The following BTBD9 variants were observed in gnomAD, a reference collection of about 807,000 sequenced individuals.
BTBD9 encodes the protein BTB domain containing 9.
BTBD9 carries 49 observed loss-of-function variants against 64.3 expected under a neutral mutation model. That is an observed-to-expected ratio of 0.76 (90% CI 0.61 to 0.97). The LOEUF (loss-of-function observed/expected upper bound fraction) is 0.97, where lower values mean the gene tolerates loss of function less well. BTBD9 is among the 50% of genes least tolerant of loss of function. The probability of loss-of-function intolerance (pLI) is 0.00; values close to 1 mark genes in which losing one functional copy is unlikely to be tolerated. For missense variants in BTBD9, 598 were observed against 762.1 expected (o/e 0.78, Z 2.53); for synonymous variants, 260 against 274.7 (o/e 0.95, Z 0.53).
intron 6 of BTBD9, among the ~76,000 whole-genome samples, chr6:38,505,982 A>AAAAAAAAAG (rs1772487654): frequency 6.9e-6 from 1 of 145,200 alleles, no homozygotes; most frequent in Non-Finnish European, 1.5e-5. Flanking sequence ...AAAAAAAAAA[A>AAAAAAAAAG]AAGGAACTCT....
rs545526288 is a variant in BTBD9 at position 38,195,114 on chromosome 6, G to T, written c.1563-2517C>A. Among the ~76,000 whole-genome samples the T allele has an allele frequency of 2.0e-5, 3 of 152,326 alleles. No individual in the cohort carries two copies. In the South Asian group the frequency reaches 6.2e-4, roughly 32 times the overall value. On this transcript the variant is annotated intron_variant, in intron 9 of 10. Coordinates refer to ENST00000481247, the MANE Select transcript of BTBD9 (RefSeq NM_001099272.2). ...AATGAGCATCTGTCTCCCCCCATCA[G>T]ATTCCATTTCCCCTGAACTTTTTCA...
chr6:38,365,775 A>AC (rs1324493580), intron 6 of BTBD9, among the ~76,000 whole-genome samples: 2 of 151,168 alleles, frequency 1.3e-5, no homozygotes, highest in Non-Finnish European at 2.9e-5. Flanking sequence ...AAAAAAAAAA[A>AC]CATACTGAAG....
intron 6 of BTBD9, among the ~76,000 whole-genome samples, chr6:38,357,252 A>T (rs1764761643): frequency 6.6e-6 from 1 of 152,158 alleles, no homozygotes; most frequent in Non-Finnish European, 1.5e-5. Flanking sequence ...TTTCAGAGGT[A>T]CCTGGTGCCT....
At chr6:38,189,576 G>T (rs997404683) in intron 10 of BTBD9, among the ~76,000 whole-genome samples, 1 of 152,030 alleles carries the variant, frequency 6.6e-6, no homozygotes, top group Non-Finnish European at 1.5e-5. Context: ...CTGCAGCCTC[G>T]AACTCCTAGG....
chr6:38,543,956 C>CAA (rs1191747441), intron 6 of BTBD9, among the ~76,000 whole-genome samples: 8 of 71,408 alleles, frequency 1.1e-4, no homozygotes, highest in South Asian at 4.5e-4. Flanking sequence ...GACTCCGTCT[C>CAA]AAAAAAAAAA....
At chr6:38,247,191 C>T (rs1165798155) in intron 9 of BTBD9, among the ~76,000 whole-genome samples, 1 of 151,968 alleles carries the variant, frequency 6.6e-6, no homozygotes, top group African/African-American at 2.4e-5. Flanking sequence ...TAAATTGTCT[C>T]TAGATTTAAA....
At chr6:38,316,242 CTTGT>C (rs1462411194) in intron 7 of BTBD9, among the ~76,000 whole-genome samples, 1 of 152,054 alleles carries the variant, frequency 6.6e-6, no homozygotes, top group African/African-American at 2.4e-5. Flanking sequence ...ATTGTTGGGT[CTTGT>C]TTGTTTATCC....
At chr6:38,374,306 T>TATATATATATATATATATAC (rs1491240635) in intron 6 of BTBD9, among the ~76,000 whole-genome samples, 5 of 84,634 alleles carry the variant, frequency 5.9e-5, no homozygotes, top group Non-Finnish European at 1.1e-4. Context: ...TGTATATATA[T>TATATATATATATATATATAC]GTATATATAT....
chr6:38,633,513 T>C (rs1342555905), intron 1 of BTBD9, among the ~76,000 whole-genome samples: 3 of 152,238 alleles, frequency 2.0e-5, no homozygotes, highest in African/African-American at 7.2e-5. Context: ...ATTATGCATA[T>C]ACTTCCCAAA....
At position 38,510,252 on chromosome 6, in the gene BTBD9, C is replaced by T. The variant is rs1582551499; in HGVS notation, c.1154+67348G>A. On this transcript the variant is annotated intron_variant, in intron 6 of 10. Coordinates refer to ENST00000481247, the MANE Select transcript of BTBD9 (RefSeq NM_001099272.2). ...CAAGGCTAGATGGTATAGCCTATTG[C>T]TCCTAGGCTACAAACCAGCACAGCA... 2.0e-5 allele frequency among the ~76,000 whole-genome samples: 3 copies of T among 152,338 alleles called. No individual in the cohort carries two copies. In the East Asian group the frequency reaches 5.8e-4, roughly 29 times the overall value.
At chr6:38,549,133 TA>T (rs901901540) in intron 6 of BTBD9, among the ~76,000 whole-genome samples, 1 of 152,218 alleles carries the variant, frequency 6.6e-6, no homozygotes, top group Non-Finnish European at 1.5e-5. Context: ...CTCAGTTTCA[TA>T]AAAATGCCTT....
chr6:38,335,388 A>T (rs1223997935), intron 7 of BTBD9, among the ~76,000 whole-genome samples: 1 of 149,906 alleles, frequency 6.7e-6, no homozygotes, highest in Non-Finnish European at 1.5e-5. Context: ...GAGTAGCTGG[A>T]GCTACAGGCG....
chr6:38,639,425 CACCCCGGGG>C (rs1778646665), intron 1 of BTBD9, among the ~76,000 whole-genome samples: 1 of 152,160 alleles, frequency 6.6e-6, no homozygotes, highest in Non-Finnish European at 1.5e-5. Context: ...TCCAAACCCC[CACCCCGGGG>C]TCCCGGGTTT....
At chr6:38,546,438 AT>A (rs973747289) in intron 6 of BTBD9, among the ~76,000 whole-genome samples, 1 of 152,260 alleles carries the variant, frequency 6.6e-6, no homozygotes, top group African/African-American at 2.4e-5. Context: ...ATACATGGTG[AT>A]TTTTTTAATG....
chr6:38,187,554 G>A (rs750870061), intron 10 of BTBD9, among the ~76,000 whole-genome samples: 12 of 152,174 alleles, frequency 7.9e-5, no homozygotes, highest in Non-Finnish European at 1.8e-4. Flanking sequence ...AAAGCCACAC[G>A]TGAGCACTGG....
chr6:38,170,704 T>TATA lies in BTBD9; in HGVS notation c.*4278_*4280dup, dbSNP rs531229336. On this transcript the variant is annotated 3_prime_UTR_variant, in exon 11 of 11. Transcript: ENST00000481247. Reference sequence around the variant, plus strand: ...ACTAGGACAACTTCTAATTTAATATTATAATAATAAAAGCCACGGTGGCAC... The same window carrying TATA: ...ACTAGGACAACTTCTAATTTAATATTATAATAATAATAAAAGCCACGGTGGCAC... 2 of 152,180 alleles carry TATA rather than the reference T, an allele frequency of 1.3e-5. No homozygotes were observed. The highest frequency in any genetic ancestry group is 2.9e-5 in the Non-Finnish European group (2 of 68,040). The allele number at this position is 152,180 out of a possible 1,614,324, so 9.4% of individuals were successfully genotyped here. A position where few individuals can be genotyped will look rare whatever the true frequency, so the allele number is the denominator to read the frequency against.
chr6:38,195,620 T>A (rs953698932), intron 9 of BTBD9, among the ~76,000 whole-genome samples: 7 of 152,182 alleles, frequency 4.6e-5, no homozygotes, highest in African/African-American at 1.7e-4. Context: ...CTGACAGAAA[T>A]AACACCAGTC....
At chr6:38,337,856 T>A (rs1763954956) in intron 7 of BTBD9, among the ~76,000 whole-genome samples, 1 of 152,200 alleles carries the variant, frequency 6.6e-6, no homozygotes, top group African/African-American at 2.4e-5. Context: ...ACCAGCCTGT[T>A]TTTTTGTTCT....
At chr6:38,500,773 A>T (rs1562267119) in intron 6 of BTBD9, among the ~76,000 whole-genome samples, 1 of 152,216 alleles carries the variant, frequency 6.6e-6, no homozygotes, top group South Asian at 2.1e-4. Flanking sequence ...TTAAAGGCTT[A>T]AAAATAACCC....
Sources: allele counts gnomAD v4.1 joint callset (sites outside exome capture counted in the v4.1 genomes callset), GRCh38; gene constraint gnomAD v4.1.1; transcripts MANE v1.5; gene names NCBI Gene and HGNC (gene_info 2026-07-23, HGNC 2026-07-21).